The following ZNF600 variants were observed in gnomAD, a reference collection of about 807,000 sequenced individuals.
The protein encoded by ZNF600 is zinc finger protein 600.
In ZNF600, 4 loss-of-function variants were observed where a neutral mutation model predicts 7.3. That is an observed-to-expected ratio of 0.55 (90% confidence interval 0.27 to 1.25). ZNF600 has a LOEUF of 1.25. ZNF600 is among the 50% of genes most tolerant of loss of function. The pLI, the probability that ZNF600 is intolerant of heterozygous loss-of-function variation, is 0.12. For missense variants in ZNF600, 911 were observed against 922.1 expected (o/e 0.99, Z 0.16); for synonymous variants, 290 against 308.9 (o/e 0.94, Z 0.64).
chr19:52,783,359 C>CT (rs1431263750), intron 1 of ZNF600, among the ~76,000 whole-genome samples: 1 of 152,194 alleles, frequency 6.6e-6, no homozygotes, highest in Non-Finnish European at 1.5e-5. Flanking sequence ...TCCATCATTC[C>CT]TTTTTTTGTT....
At chr19:52,812,148 G>T in the ZNF600 span, among the ~76,000 whole-genome samples, 1 of 124,954 alleles carries the variant, frequency 8.0e-6, no homozygotes, top group Non-Finnish European at 1.6e-5. Flanking sequence ...TGGTGGGGGG[G>T]TCAGCCCCCC....
At chr19:52,811,102 T>C in the ZNF600 span, among the ~76,000 whole-genome samples, 98,710 of 146,906 alleles carry the variant, frequency 0.67, 34,044 homozygotes, top group Non-Finnish European at 0.73. Context: ...CTGTGTTGGC[T>C]GGGCTGGTCT....
the ZNF600 span, among the ~76,000 whole-genome samples, chr19:52,830,563 C>T: frequency 1.1e-4 from 16 of 152,120 alleles, no homozygotes; most frequent in Admixed American, 2.6e-4. Flanking sequence ...CGCTGAGCTG[C>T]GCTGCTGACA....
At position 52,777,786 on chromosome 19, in the gene ZNF600, T is replaced by A. The variant is rs1052245177; in HGVS notation, c.63+1040A>T. Among the ~76,000 whole-genome samples the A allele has an allele frequency of 2.6e-5, 4 of 151,562 alleles. No homozygotes were observed. In the East Asian group the frequency reaches 7.9e-4, roughly 30 times the overall value. On this transcript the variant is annotated intron_variant, in intron 2 of 3. Coordinates refer to ENST00000648973, the Ensembl canonical transcript of ZNF600. ...GGAGGTTGCAGTGAGCCGAGATCAT[T>A]CCATTGCACTCCACCTTTGGGGACT...
chr19:52,817,889 C>T, the ZNF600 span: 16 of 1,608,024 alleles, frequency 1.0e-5, no homozygotes, highest in East Asian at 3.6e-4. Context: ...AACTCCAAGG[C>T]CCAGCGTTTC....
the ZNF600 span, among the ~76,000 whole-genome samples, chr19:52,825,121 A>G: frequency 6.6e-6 from 1 of 152,014 alleles, no homozygotes; most frequent in Non-Finnish European, 1.5e-5. Flanking sequence ...GATCTAAGAA[A>G]TGAGGAAATG....
At chr19:52,833,219 C>T in the ZNF600 span, among the ~76,000 whole-genome samples, 2 of 152,270 alleles carry the variant, frequency 1.3e-5, no homozygotes, top group Admixed American at 6.5e-5. Flanking sequence ...ATCTGGTCCA[C>T]GAAGAGCTGA....
intron 3 of ZNF600, among the ~76,000 whole-genome samples, chr19:52,768,154 T>TAA (rs36049255): frequency 6.9e-6 from 1 of 145,808 alleles, no homozygotes; most frequent in East Asian, 2.0e-4. Flanking sequence ...GTACAAATGC[T>TAA]AAAAAAAAAA....
chr19:52,829,183 T>TATTTTA, the ZNF600 span, among the ~76,000 whole-genome samples: 1 of 91,732 alleles, frequency 1.1e-5, no homozygotes, highest in African/African-American at 3.7e-5. Context: ...TTTTTTTCTT[T>TATTTTA]TTTTATTTTA....
chr19:52,767,208 G>T (rs199955123), exon 4 of ZNF600: 2 of 1,614,064 alleles, frequency 1.2e-6, no homozygotes, highest in Non-Finnish European at 1.7e-6. Context: ...TCCTAAATGG[G>T]GTATCTGGTG....
Position 52,776,423 on chromosome 19 carries a change from T to G in ZNF600, c.64-1722A>C, listed in dbSNP as rs139443284. On this transcript the variant is annotated intron_variant, in intron 2 of 3. Transcript: ENST00000648973. ...CCTTCCCAATACTTCTTACTTTTTT[T>G]TTTTTTGAGATGGAGTCTCACTCTA... Among the ~76,000 whole-genome samples the G allele has an allele frequency of 4.4e-3, 662 of 152,118 alleles. 2 individuals are homozygous for G. The highest frequency in any genetic ancestry group is 0.015 in the African/African-American group (623 of 41,508).
At chr19:52,788,515 A>T (rs188384722), upstream of ZNF600, among the ~76,000 whole-genome samples, 1 of 152,306 alleles carries the variant, frequency 6.6e-6, no homozygotes, top group African/African-American at 2.4e-5. Flanking sequence ...ACCAGGGATA[A>T]AGATGGTTCT....
intron 2 of ZNF600, among the ~76,000 whole-genome samples, chr19:52,778,021 TC>T (rs2062690502): frequency 7.5e-6 from 1 of 132,686 alleles, no homozygotes; most frequent in African/African-American, 2.8e-5. Flanking sequence ...CCTCTCTCTC[TC>T]TTTTCTTTTG....
chr19:52,793,501 G>A, the ZNF600 span, among the ~76,000 whole-genome samples: 1 of 152,192 alleles, frequency 6.6e-6, no homozygotes, highest in African/African-American at 2.4e-5. Context: ...ACAAAGGAAA[G>A]CAGCCCGTGT....
At chr19:52,809,081 G>C in the ZNF600 span, among the ~76,000 whole-genome samples, 500 of 152,258 alleles carry the variant, frequency 3.3e-3, 2 homozygotes, top group African/African-American at 0.011. Flanking sequence ...ATAAAAAGTA[G>C]CAAGTTTTGT....
chr19:52,833,132 C>A, the ZNF600 span, among the ~76,000 whole-genome samples: 2 of 152,126 alleles, frequency 1.3e-5, no homozygotes, highest in Admixed American at 1.3e-4. Flanking sequence ...AAATGTCTCC[C>A]CTTATTGGTC....
chr19:52,822,751 A>T, the ZNF600 span, among the ~76,000 whole-genome samples: 1 of 152,146 alleles, frequency 6.6e-6, no homozygotes, highest in Non-Finnish European at 1.5e-5. Context: ...AATTACTTTA[A>T]CCCACGTCTT....
intron 1 of ZNF600, chr19:52,780,626 T>A (rs1035593348): frequency 6.6e-6 from 1 of 151,614 alleles, no homozygotes; most frequent in African/African-American, 2.4e-5. Context: ...TACTCGGGAG[T>A]CTGAGGAAGG....
In ZNF600 at chr19:52,775,038, G is replaced by A. The variant is rs145317427; in HGVS notation, c.64-337C>T. On this transcript the variant is annotated intron_variant, in intron 2 of 3. Transcript: ENST00000648973. Reference sequence around the variant, plus strand: ...GCAGATTATTTGATGTCAAGAGTTCGAGACCACCCTGGCCAACATGGTGAA... The same window carrying A: ...GCAGATTATTTGATGTCAAGAGTTCAAGACCACCCTGGCCAACATGGTGAA... Among the ~76,000 whole-genome samples, 173 of 152,200 alleles carry A rather than the reference G, an allele frequency of 1.1e-3. 2 individuals are homozygous for A. The East Asian group carries it at 0.032, about 28-fold the overall frequency.
Sources: gnomAD v4.1 joint callset for allele counts (sites outside exome capture counted in the v4.1 genomes callset) on GRCh38, gnomAD v4.1.1 for gene constraint, MANE v1.5 for transcripts, NCBI Gene and HGNC (gene_info 2026-07-23, HGNC 2026-07-21) for gene names.